Variants in TTC13 observed in about 807,000 individuals in gnomAD.
TTC13 encodes tetratricopeptide repeat protein 13.
A neutral mutation model predicts 120.0 loss-of-function variants in TTC13; 62 were observed. The ratio of observed to expected loss-of-function variants is 0.52; its 90% CI spans 0.42 to 0.64. The LOEUF is 0.64. Ranked by LOEUF, TTC13 falls within the 30% of genes least tolerant of loss-of-function variation. The probability of loss-of-function intolerance (pLI) is 0.00; values close to 1 mark genes in which losing one functional copy is unlikely to be tolerated. For synonymous variants in TTC13, 384 were observed against 393.5 expected, an observed-to-expected ratio of 0.98 and a Z score of 0.28; for missense variants, 824 against 1,050.2, an observed-to-expected ratio of 0.78 and a Z score of 2.98.
chr1:230,964,329 A>G (rs543413858), intron 1 of TTC13, among the ~76,000 whole-genome samples: 1 of 152,316 alleles, frequency 6.6e-6, no homozygotes, highest in African/African-American at 2.4e-5. Context: ...CACAAGTTTA[A>G]TATTTTTCAT....
chr1:230,965,723 G>C (rs1222622303), intron 1 of TTC13, among the ~76,000 whole-genome samples: 2 of 152,238 alleles, frequency 1.3e-5, no homozygotes, highest in African/African-American at 4.8e-5. Flanking sequence ...CCAGACTAGA[G>C]TGCAGTGGCA....
chr1:230,932,973 C>CT (rs916449766), intron 9 of TTC13, among the ~76,000 whole-genome samples: 3 of 151,556 alleles, frequency 2.0e-5, no homozygotes, highest in African/African-American at 7.3e-5. Flanking sequence ...ACACAATATA[C>CT]TTTTTTTTTC....
At chr1:230,930,824 A>G (rs913605039) in intron 11 of TTC13, among the ~76,000 whole-genome samples, 1 of 152,200 alleles carries the variant, frequency 6.6e-6, no homozygotes, top group Non-Finnish European at 1.5e-5. Context: ...AGGCTGAGGC[A>G]GGAGAATGGG....
intron 20 of TTC13, among the ~76,000 whole-genome samples, chr1:230,911,214 T>C (rs192178530): frequency 2.0e-4 from 31 of 152,330 alleles, no homozygotes; most frequent in African/African-American, 7.5e-4. Context: ...CACAGTAAAC[T>C]TTCCATGAAC....
At chr1:230,949,110 T>G (rs1283208597) in intron 4 of TTC13, among the ~76,000 whole-genome samples, 1 of 152,134 alleles carries the variant, frequency 6.6e-6, no homozygotes, top group East Asian at 1.9e-4. Context: ...AGGAATACCA[T>G]GCAAAGTCAT....
chr1:230,947,635 G>A (rs991787300), intron 4 of TTC13, among the ~76,000 whole-genome samples: 2 of 152,024 alleles, frequency 1.3e-5, no homozygotes, highest in Admixed American at 6.6e-5. Context: ...AGCCATCCTG[G>A]GCTGCATGTG....
chr1:230,937,258 T>C (rs1674150167), intron 8 of TTC13, among the ~76,000 whole-genome samples: 1 of 152,248 alleles, frequency 6.6e-6, no homozygotes, highest in African/African-American at 2.4e-5. Context: ...TCCATGTTCC[T>C]AAACCTGGCT....
At chr1:230,963,547 A>T (rs1676839068) in intron 1 of TTC13, among the ~76,000 whole-genome samples, 1 of 152,050 alleles carries the variant, frequency 6.6e-6, no homozygotes, top group South Asian at 2.1e-4. Flanking sequence ...AGGTGGGAAG[A>T]TCACCTGAGT....
intron 12 of TTC13, among the ~76,000 whole-genome samples, chr1:230,927,070 T>A (rs537394603): frequency 6.6e-6 from 1 of 152,342 alleles, no homozygotes; most frequent in Non-Finnish European, 1.5e-5. Flanking sequence ...GTTGCCTCGG[T>A]CATTTGTTTA....
intron 20 of TTC13, among the ~76,000 whole-genome samples, chr1:230,910,427 T>A (rs1449136678): frequency 6.6e-6 from 1 of 152,156 alleles, no homozygotes; most frequent in Non-Finnish European, 1.5e-5. Flanking sequence ...TTTCAGAAGG[T>A]GCTGGAGAGC....
rs578200398 is a variant in TTC13, at chr1:230,914,498, G to A, written c.2093+1695C>T. Reference sequence around the variant, plus strand: ...CAACCTCCCCGTCATGGGTTCAAGCGATTCTCCTGCCTCAGCCTCCAGAGT... The same window carrying A: ...CAACCTCCCCGTCATGGGTTCAAGCAATTCTCCTGCCTCAGCCTCCAGAGT... On this transcript the variant is annotated intron_variant, in intron 18 of 22. Coordinates refer to ENST00000366661, the MANE Select transcript of TTC13 (RefSeq NM_024525.5). 3.0e-3 allele frequency among the ~76,000 whole-genome samples: 455 copies of A among 152,102 alleles called. 1 individual carries two copies. Among genetic ancestry groups the A allele is most frequent in the Middle Eastern group, 0.01 (3 of 294 alleles).
In TTC13 at chr1:230,940,277, CT is replaced by C. The variant is rs1674420421; in HGVS notation, c.789+162del. Among the ~76,000 whole-genome samples, 1 of 152,172 alleles carries C rather than the reference CT, an allele frequency of 6.6e-6. No homozygotes were observed. The highest frequency in any genetic ancestry group is 6.5e-5 in the Admixed American group (1 of 15,276). On this transcript the variant is annotated intron_variant, in intron 7 of 22. Coordinates refer to ENST00000366661, the MANE Select transcript of TTC13 (RefSeq NM_024525.5). This position sits in a 1 kb window ranked among gnomAD's most constrained non-coding sequence, Gnocchi z 4.1. ...TGTTTTTAGTACTTAATGTTCTCCA[CT>C]GGGTTTAATTTCAGCTACAGAAAAT... is the stretch of plus-strand genomic sequence containing the variant.
chr1:230,954,287 G>T lies in TTC13; in HGVS notation c.513+46C>A. 3.6e-6 allele frequency: 5 copies of T among 1,389,702 alleles called. 1 individual carries two copies. In the South Asian group the frequency reaches 4.8e-5, roughly 13 times the overall value. The allele number at this position is 1,389,702 out of a possible 1,614,324, so 86.1% of individuals were successfully genotyped here. A position where few individuals can be genotyped will look rare whatever the true frequency, so the allele number is the denominator to read the frequency against. On this transcript the variant is annotated intron_variant, in intron 4 of 22. Transcript: ENST00000366661. ...CAGCTGTTCATTAGTCCATATTTTTGTCATGACCATAAACTCAAAATTACA... is the reference window on the plus strand; with the variant it reads ...CAGCTGTTCATTAGTCCATATTTTTTTCATGACCATAAACTCAAAATTACA...
chr1:230,942,147 G>A lies in TTC13; in HGVS notation c.673-1591C>T, dbSNP rs1674584191. ...TAAACAGTAGTTTTTTATTAGATATGCAAATTGTAAAGACCTGTTAAATAA... is the reference window on the plus strand; with the variant it reads ...TAAACAGTAGTTTTTTATTAGATATACAAATTGTAAAGACCTGTTAAATAA... On this transcript the variant is annotated intron_variant, in intron 6 of 22. Transcript: ENST00000366661. The surrounding 1 kb of genome is among the most constrained non-coding windows in gnomAD (Gnocchi z 4.0). Among the ~76,000 whole-genome samples the A allele has an allele frequency of 6.6e-6, 1 of 152,114 alleles. No homozygotes were observed. Among genetic ancestry groups the A allele is most frequent in the South Asian group, 2.1e-4 (1 of 4,824 alleles).
chr1:230,956,988 A>AC, intron 3 of TTC13, among the ~76,000 whole-genome samples: 1 of 152,120 alleles, frequency 6.6e-6, no homozygotes. Flanking sequence ...GGCCTACACT[A>AC]CCCCAGGGTC....
At chr1:230,935,647 G>T (rs2102857264) in intron 8 of TTC13, among the ~76,000 whole-genome samples, 1 of 152,238 alleles carries the variant, frequency 6.6e-6, no homozygotes, top group Admixed American at 6.5e-5. Context: ...AGGAAAGGAA[G>T]GGCCTCCTGG....
At chr1:230,909,867 C>T (rs547647977) in intron 20 of TTC13, among the ~76,000 whole-genome samples, 46 of 152,114 alleles carry the variant, frequency 3.0e-4, no homozygotes, top group South Asian at 1.2e-3. Context: ...CACTCCAGAA[C>T]GAGTGTAGAG....
chr1:230,953,549 GTTA>G (rs1413824309), intron 4 of TTC13, among the ~76,000 whole-genome samples: 2 of 152,158 alleles, frequency 1.3e-5, no homozygotes, highest in Non-Finnish European at 2.9e-5. Context: ...TTTGGAGGTA[GTTA>G]TTATTATCTC....
intron 1 of TTC13, among the ~76,000 whole-genome samples, chr1:230,977,666 G>C (rs1678462509): frequency 2.6e-5 from 4 of 152,154 alleles, no homozygotes; most frequent in Admixed American, 2.6e-4. Context: ...CCATCTCCCA[G>C]TGGGTTCGGT....
Sources: gnomAD v4.1 joint callset for allele counts (sites outside exome capture counted in the v4.1 genomes callset) on GRCh38, gnomAD v4.1.1 for gene constraint, Gnocchi (gnomAD v3.1) non-coding constraint, MANE v1.5 for transcripts, NCBI Gene and HGNC (gene_info 2026-07-23, HGNC 2026-07-21) for gene names.